KLRG1: variants seen among roughly 807,000 people sequenced by gnomAD.
KLRG1 encodes the protein killer cell lectin-like receptor subfamily G member 1.
KLRG1 carries 16 observed loss-of-function variants against 21.8 expected under a neutral mutation model. That is an observed-to-expected ratio of 0.73 (90% CI 0.50 to 1.11). The LOEUF is 1.11. Among genes scored for constraint, KLRG1 ranks in the 50% most tolerant of loss-of-function variants. The pLI is 0.00. For synonymous variants in KLRG1, 69 were observed against 75.9 expected (o/e 0.91, Z 0.47); for missense variants, 173 against 218.3 (o/e 0.79, Z 1.31).
chr12:9,179,801 T>G, the KLRG1 span, among the ~76,000 whole-genome samples: 1 of 152,240 alleles, frequency 6.6e-6, no homozygotes, highest in Non-Finnish European at 1.5e-5. Context: ...TAACAAAATA[T>G]AGCTTTCATT....
intron 1 of KLRG1, among the ~76,000 whole-genome samples, chr12:8,971,940 T>C (rs896971850): frequency 2.0e-5 from 3 of 152,250 alleles, no homozygotes; most frequent in African/African-American, 7.2e-5. Flanking sequence ...AAATATTTTC[T>C]CCCATTCTAT....
At chr12:9,177,063 A>G in the KLRG1 span, among the ~76,000 whole-genome samples, 1 of 152,216 alleles carries the variant, frequency 6.6e-6, no homozygotes, top group East Asian at 1.9e-4. Flanking sequence ...GACAGCTTCC[A>G]GAATTGCCCA....
the KLRG1 span, among the ~76,000 whole-genome samples, chr12:9,159,742 A>G: frequency 6.6e-6 from 1 of 151,616 alleles, no homozygotes; most frequent in Non-Finnish European, 1.5e-5. Flanking sequence ...CACCAGCAAG[A>G]AGACTCTCAA....
At chr12:9,208,478 A>C in the KLRG1 span, 11 of 635,848 alleles carry the variant, frequency 1.7e-5, no homozygotes, top group African/African-American at 1.3e-4. Flanking sequence ...TAGAGTTCAG[A>C]ATTGAGCACA....
At chr12:8,998,549 T>G (rs1376553943) in intron 3 of KLRG1, among the ~76,000 whole-genome samples, 1 of 151,516 alleles carries the variant, frequency 6.6e-6, no homozygotes, top group Non-Finnish European at 1.5e-5. Context: ...ATTAGCTGGG[T>G]GTGGTGGCGC....
the KLRG1 span, among the ~76,000 whole-genome samples, chr12:9,137,742 A>G: frequency 6.6e-6 from 1 of 151,970 alleles, no homozygotes; most frequent in South Asian, 2.1e-4. Flanking sequence ...ACTTCCTTGG[A>G]AAAGTTTTTC....
At chr12:9,141,074 A>G in the KLRG1 span, among the ~76,000 whole-genome samples, 1 of 152,242 alleles carries the variant, frequency 6.6e-6, no homozygotes, top group Non-Finnish European at 1.5e-5. Context: ...TGGATGACAA[A>G]AAGTTTTATA....
chr12:9,160,091 G>A, the KLRG1 span: 4 of 1,448,152 alleles, frequency 2.8e-6, no homozygotes, highest in Non-Finnish European at 2.9e-6. Context: ...ATATGTTTAG[G>A]CTCATGCATC....
the KLRG1 span, among the ~76,000 whole-genome samples, chr12:9,124,664 AAGACCCTCCCCTTCTCTCGACCCTGC>A: frequency 6.6e-6 from 1 of 152,192 alleles, no homozygotes; most frequent in Non-Finnish European, 1.5e-5. Context: ...GAGAGCCGGG[AAGACCCTCCCCTTCTCTCGACCCTGC>A]AGGCTCAGGG....
rs184024367 is a variant in KLRG1, at chr12:8,955,319, T to C, written c.-156+5083T>C. Among the ~76,000 whole-genome samples the C allele has an allele frequency of 2.5e-3, 380 of 150,176 alleles. 1 individual carries two copies. Among genetic ancestry groups the C allele is most frequent in the Admixed American group, 5.9e-3 (89 of 15,042 alleles). ...AAGATTTTCATCATCCAAGAAAATT[T>C]CCTCATGCTCCTATCCAGTCATCTT... On this transcript the variant is annotated intron_variant, in intron 1 of 4. Coordinates refer to the KLRG1 transcript ENST00000539240.
intron 3 of KLRG1, among the ~76,000 whole-genome samples, chr12:9,004,993 A>C (rs1947426193): frequency 6.6e-6 from 1 of 152,202 alleles, no homozygotes; most frequent in South Asian, 2.1e-4. Context: ...AGTATGTTGA[A>C]GAGATATGTT....
At chr12:9,108,973 G>A in the KLRG1 span, among the ~76,000 whole-genome samples, 1 of 151,994 alleles carries the variant, frequency 6.6e-6, no homozygotes, top group Non-Finnish European at 1.5e-5. Flanking sequence ...CCTAATATAC[G>A]TTTGGTTATT....
At chr12:8,987,649 C>T (rs1027851219), upstream of KLRG1, among the ~76,000 whole-genome samples, 2 of 152,200 alleles carry the variant, frequency 1.3e-5, no homozygotes, top group African/African-American at 4.8e-5. Context: ...ACCCATTAAG[C>T]AACTTCCTTT....
the KLRG1 span, among the ~76,000 whole-genome samples, chr12:9,160,808 G>A: frequency 3.9e-5 from 6 of 152,110 alleles, no homozygotes; most frequent in South Asian, 1.0e-3. Flanking sequence ...CCAGCTACTC[G>A]GGAGGCTGAG....
chr12:8,952,704 A>G (rs1290958979), intron 1 of KLRG1, among the ~76,000 whole-genome samples: 1 of 152,196 alleles, frequency 6.6e-6, no homozygotes, highest in Non-Finnish European at 1.5e-5. Context: ...ATTACCATTA[A>G]ATATATCAGT....
the KLRG1 span, chr12:9,074,777 G>C: frequency 6.2e-7 from 1 of 1,611,360 alleles, no homozygotes; most frequent in Admixed American, 1.7e-5. Context: ...CCAATGGACA[G>C]AGTTGTCTTA....
the KLRG1 span, chr12:9,169,796 C>T: frequency 4.6e-6 from 2 of 432,340 alleles, no homozygotes; most frequent in Non-Finnish European, 7.8e-6. Context: ...GAAAATGCTT[C>T]CAAAGATTAA....
At chr12:8,954,365 A>G (rs1946254605) in intron 1 of KLRG1, among the ~76,000 whole-genome samples, 1 of 151,908 alleles carries the variant, frequency 6.6e-6, no homozygotes. Flanking sequence ...ACTATAGTTA[A>G]TATTGTATTG....
chr12:9,035,703 T>A, the KLRG1 span, among the ~76,000 whole-genome samples: 1 of 152,086 alleles, frequency 6.6e-6, no homozygotes, highest in Non-Finnish European at 1.5e-5. Context: ...CACGTGCATG[T>A]TCCTTGCAGC....
Sources: allele counts gnomAD v4.1 joint callset (sites outside exome capture counted in the v4.1 genomes callset), GRCh38; gene constraint gnomAD v4.1.1; transcripts MANE v1.5; gene names NCBI Gene and HGNC (gene_info 2026-07-23, HGNC 2026-07-21).